CLPTM1: variants seen among roughly 807,000 people sequenced by gnomAD.
The protein encoded by CLPTM1 is CLPTM1 regulator of GABA type A receptor forward trafficking.
CLPTM1 carries 21 observed loss-of-function variants against 77.3 expected under a neutral mutation model. The ratio of observed to expected loss-of-function variants is 0.27; its 90% CI spans 0.19 to 0.39. The LOEUF (loss-of-function observed/expected upper bound fraction) is 0.39, where lower values mean the gene tolerates loss of function less well. Ranked by LOEUF, CLPTM1 falls within the 10% of genes least tolerant of loss-of-function variation. The pLI is 1.00. For missense variants in CLPTM1, 642 were observed against 921.2 expected, an observed-to-expected ratio of 0.70 and a Z score of 3.92; for synonymous variants, 373 against 381.0, an observed-to-expected ratio of 0.98 and a Z score of 0.24.
intron 2 of CLPTM1, among the ~76,000 whole-genome samples, chr19:44,963,245 C>T (rs1388315418): frequency 1.4e-5 from 2 of 142,274 alleles, no homozygotes; most frequent in African/African-American, 5.3e-5. Context: ...TATGGTGACA[C>T]GTACCTGTAG....
At position 44,990,288 on chromosome 19, in the gene CLPTM1, G is replaced by C; in HGVS notation, c.1133-107G>C. The C allele has an allele frequency of 8.6e-7, 1 of 1,160,616 alleles. No homozygotes were observed. The highest frequency in any genetic ancestry group is 1.2e-6 in the Non-Finnish European group (1 of 806,944). The allele number at this position is 1,160,616 out of a possible 1,614,324, so 71.9% of individuals were successfully genotyped here. On this transcript the variant is annotated intron_variant, in intron 9 of 13. Coordinates refer to ENST00000337392, the MANE Select transcript of CLPTM1 (RefSeq NM_001294.4). The surrounding 1 kb of genome is among the most constrained non-coding windows in gnomAD (Gnocchi z 4.8). ...GTTCAGCACCCCTCCTGAGGACCCAGCCCCACCCCAGGGTGTGAGGATGCA... is the reference window on the plus strand; with the variant it reads ...GTTCAGCACCCCTCCTGAGGACCCACCCCCACCCCAGGGTGTGAGGATGCA...
At chr19:44,974,672 C>A in intron 4 of CLPTM1, 75 bp downstream of exon 4, 1 of 1,532,576 alleles carries the variant, frequency 6.5e-7, no homozygotes, top group African/African-American at 1.4e-5. Context: ...CAGTCCGCTC[C>A]TTGCTGAGAG....
At chr19:44,987,072 C>G in intron 7 of CLPTM1, 107 bp from the exon 8 acceptor site, 1 of 1,405,114 alleles carries the variant, frequency 7.1e-7, no homozygotes, top group South Asian at 1.4e-5. Flanking sequence ...CCCCTGTCCT[C>G]CAGTCTCTGT....
rs1195895841 is a variant in CLPTM1, at chr19:44,970,796, C to G, written c.186-2291C>G. Among the ~76,000 whole-genome samples the G allele has an allele frequency of 8.5e-5, 12 of 140,890 alleles. No homozygotes were observed. The East Asian group carries it at 2.4e-3, about 28-fold the overall frequency. 92.4% of individuals were successfully genotyped at this position (140,890 alleles called of 152,430 possible). The stretch of plus-strand genomic sequence containing the variant: ...CTTTACTTATTCTTTTTTTTTTTTT[C>G]CCCTAGACCTGCAAATCCAAGATCC... On this transcript the variant is annotated intron_variant, in intron 2 of 13. Coordinates refer to ENST00000337392, the MANE Select transcript of CLPTM1 (RefSeq NM_001294.4).
chr19:44,972,463 A>C (rs544161475), intron 2 of CLPTM1, among the ~76,000 whole-genome samples: 32 of 151,794 alleles, frequency 2.1e-4, no homozygotes, highest in Middle Eastern at 3.4e-3. Context: ...GTTAGCCAGG[A>C]TGGTCTCAAT....
At chr19:44,987,733 C>T (rs1479782976) in intron 8 of CLPTM1, 7 of 546,264 alleles carry the variant, frequency 1.3e-5, no homozygotes, top group Non-Finnish European at 2.0e-5. Flanking sequence ...TGCCATCTCA[C>T]TGGGTCCTGA....
intron 8 of CLPTM1, chr19:44,987,857 C>T: frequency 1.7e-6 from 1 of 599,550 alleles, no homozygotes; most frequent in Non-Finnish European, 3.0e-6. Context: ...CGCAGCACTC[C>T]CTTGGCCTCT....
Position 44,986,457 on chromosome 19 carries a change from G to A in CLPTM1, c.675G>A (p.Arg225=), listed in dbSNP as rs758226877. The A allele has an allele frequency of 6.2e-7, 1 of 1,613,954 alleles. No homozygotes were observed. Among genetic ancestry groups the A allele is most frequent in the Non-Finnish European group, 8.5e-7 (1 of 1,179,922 alleles). The change falls in exon 7 of 14, where the codon AGG becomes AGA. Residue 225 remains arginine, a splice_region_variant and synonymous_variant. Coordinates refer to ENST00000337392, the MANE Select transcript of CLPTM1 (RefSeq NM_001294.4). ...TCCTTCCCCCCATGTTGCCTCAGAG[G>A]GCTGAGGACTATGGGCCTGTGGAGG... ...ETEADPEMIK[R]AEDYGPVEVI...
At chr19:44,965,591 A>G (rs531008740) in intron 2 of CLPTM1, among the ~76,000 whole-genome samples, 1 of 152,238 alleles carries the variant, frequency 6.6e-6, no homozygotes, top group Admixed American at 6.5e-5. Flanking sequence ...AGGCAAGCAG[A>G]TCACGAGGTC....
rs79802065 is a variant in CLPTM1 at position 44,968,764 on chromosome 19, C to T, written c.186-4323C>T. On this transcript the variant is annotated intron_variant, in intron 2 of 13. Transcript: ENST00000337392. ...CACACTAAGCCAGGGGCAGAGCTGC[C>T]TGGGGGCATCACTGCTTCTACACTC... Among the ~76,000 whole-genome samples the T allele has an allele frequency of 1.2e-3, 176 of 152,296 alleles. 1 individual carries two copies. Among genetic ancestry groups the T allele is most frequent in the African/African-American group, 4.2e-3 (173 of 41,552 alleles).
At chr19:44,987,636 C>G in intron 8 of CLPTM1, 1 of 626,450 alleles carries the variant, frequency 1.6e-6, no homozygotes, top group South Asian at 2.0e-5. Context: ...CCAGGCTGTT[C>G]TGTTGGACCC....
chr19:44,972,068 A>G (rs965655468), intron 2 of CLPTM1, among the ~76,000 whole-genome samples: 1 of 151,270 alleles, frequency 6.6e-6, no homozygotes, highest in South Asian at 2.1e-4. Flanking sequence ...ACAGGGTTTC[A>G]CCATGTTGGC....
rs574081300 is a variant in CLPTM1 at position 44,977,331 on chromosome 19, C to T, written c.469-12C>T. 2.1e-5 allele frequency: 33 copies of T among 1,602,960 alleles called. No homozygotes were observed. The African/African-American group carries it at 3.1e-4, about 15-fold the overall frequency. The stretch of plus-strand genomic sequence containing the variant: ...TGCCCAGCCTGCCCACCTGACCTTC[C>T]GTCTTTTGCAGAGCGTCCAGCAGAA... On this transcript the variant is annotated splice_polypyrimidine_tract_variant and intron_variant, in intron 4 of 13. Transcript: ENST00000337392.
intron 1 of CLPTM1, among the ~76,000 whole-genome samples, chr19:44,958,274 G>T (rs564835288): frequency 6.6e-6 from 1 of 152,176 alleles, no homozygotes; most frequent in African/African-American, 2.4e-5. Flanking sequence ...AGGCTGGAGC[G>T]GGTGAGGGGA....
Position 44,985,314 on chromosome 19 carries a change from A to G in CLPTM1, c.672+11A>G. 2 of 1,577,912 alleles carry G rather than the reference A, an allele frequency of 1.3e-6. No individual in the cohort carries two copies. The highest frequency in any genetic ancestry group is 1.7e-6 in the Non-Finnish European group (2 of 1,147,684). ...CCAGAAATGATCAAGGTAAATGGGC[A>G]GGGTTGTCAGGGCCTATAGGGACCA... is the stretch of plus-strand genomic sequence containing the variant. On this transcript the variant is annotated intron_variant, in intron 6 of 13. Transcript: ENST00000337392.
intron 4 of CLPTM1, among the ~76,000 whole-genome samples, chr19:44,976,039 G>A (rs761960380): frequency 6.6e-6 from 1 of 152,026 alleles, no homozygotes; most frequent in African/African-American, 2.4e-5. Flanking sequence ...ATTTTTTGTA[G>A]AGATGGGGTC....
chr19:44,956,917 C>T (rs1340827822), intron 1 of CLPTM1, among the ~76,000 whole-genome samples: 2 of 152,162 alleles, frequency 1.3e-5, no homozygotes, highest in African/African-American at 4.8e-5. Context: ...TTCTCGAGCT[C>T]GGCACTATCA....
rs114750728 is a variant in CLPTM1, at chr19:44,988,853, G to A, written c.1132+680G>A. On this transcript the variant is annotated intron_variant, in intron 9 of 13. Coordinates refer to ENST00000337392, the MANE Select transcript of CLPTM1 (RefSeq NM_001294.4). ...CTGCGGCCCTGTAGCTCCCGCAGGC[G>A]GCAAGAGGAATGAGTAGTAGTATTC... Among the ~76,000 whole-genome samples the A allele has an allele frequency of 5.7e-3, 873 of 152,296 alleles. 14 individuals carry two copies. The highest frequency in any genetic ancestry group is 0.019 in the African/African-American group (810 of 41,562).
rs1349696111 is a variant in CLPTM1, at chr19:44,955,422, G to T, written c.27G>T (p.Gly9=). The part of the protein sequence containing the change: MAAAQEAD[G]ARSAVVAAGG... ...TGGCGGCGGCGCAGGAGGCGGACGG[G>T]GCCCGCAGCGCCGTGGTGGCGGCCG... The change falls in exon 1 of 14, where the codon GGG becomes GGT. Residue 9 remains glycine, a synonymous_variant. Coordinates refer to ENST00000337392, the MANE Select transcript of CLPTM1 (RefSeq NM_001294.4). 4.5e-6 allele frequency: 6 copies of T among 1,345,732 alleles called. No individual in the cohort carries two copies. In the African/African-American group the frequency reaches 4.6e-5, roughly 10 times the overall value. The allele number at this position is 1,345,732 out of a possible 1,614,324, so 83.4% of individuals were successfully genotyped here. A position where few individuals can be genotyped will look rare whatever the true frequency, so the allele number is the denominator to read the frequency against.
Sources: gnomAD v4.1 joint callset for allele counts (sites outside exome capture counted in the v4.1 genomes callset) on GRCh38, gnomAD v4.1.1 for gene constraint, Gnocchi (gnomAD v3.1) non-coding constraint, MANE v1.5 for transcripts, NCBI Gene and HGNC (gene_info 2026-07-23, HGNC 2026-07-21) for gene names.